The following HECTD4 variants were observed in gnomAD, a reference collection of about 807,000 sequenced individuals.
HECTD4 encodes the protein HECT domain E3 ubiquitin protein ligase 4.
Under a neutral mutation model 471.5 loss-of-function variants are expected in HECTD4, and 114 were observed. The observed-to-expected ratio is 0.24, with a 90% CI of 0.21 to 0.28. The LOEUF is 0.28. Among genes scored for constraint, HECTD4 ranks in the 10% least tolerant of loss-of-function variants. The pLI is 1.00. For missense variants in HECTD4, 3,866 were observed against 5,651.5 expected, an observed-to-expected ratio of 0.68 and a Z score of 10.13; for synonymous variants, 2,012 against 2,256.0, an observed-to-expected ratio of 0.89 and a Z score of 3.07.
intron 55 of HECTD4, among the ~76,000 whole-genome samples, chr12:112,200,239 C>T (rs1007976102): frequency 2.6e-5 from 4 of 151,960 alleles, no homozygotes; most frequent in Admixed American, 1.3e-4. Context: ...CCGCAACCTC[C>T]GTCTCTCGGG....
At chr12:112,377,680 GGC>G (rs1471000906) in intron 1 of HECTD4, among the ~76,000 whole-genome samples, 1 of 152,170 alleles carries the variant, frequency 6.6e-6, no homozygotes, top group East Asian at 1.9e-4. Flanking sequence ...AGACCAGCCT[GGC>G]CAACATGGTG....
intron 1 of HECTD4, among the ~76,000 whole-genome samples, chr12:112,367,476 A>G (rs1244450532): frequency 6.6e-6 from 1 of 152,042 alleles, no homozygotes; most frequent in Non-Finnish European, 1.5e-5. Flanking sequence ...AATCCTATTT[A>G]GGTTCAGAAC....
chr12:112,254,551 C>T (rs927363741), intron 21 of HECTD4, among the ~76,000 whole-genome samples: 32 of 151,924 alleles, frequency 2.1e-4, no homozygotes, highest in African/African-American at 7.5e-4. Context: ...CCCTTAAGTC[C>T]TCCCCAAAAT....
At chr12:112,376,952 A>T (rs1042801317) in intron 1 of HECTD4, among the ~76,000 whole-genome samples, 5 of 152,016 alleles carry the variant, frequency 3.3e-5, no homozygotes, top group Non-Finnish European at 5.9e-5. Flanking sequence ...TCTCTACTAA[A>T]AATACAAAAA....
intron 22 of HECTD4, among the ~76,000 whole-genome samples, chr12:112,253,832 G>A (rs148968590): frequency 6.6e-6 from 1 of 152,330 alleles, no homozygotes; most frequent in African/African-American, 2.4e-5. Context: ...AGTAACTTGT[G>A]AAAGGGAGTG....
intron 8 of HECTD4, among the ~76,000 whole-genome samples, chr12:112,282,272 A>G (rs1448721760): frequency 2.0e-5 from 3 of 152,086 alleles, no homozygotes; most frequent in Non-Finnish European, 2.9e-5. Flanking sequence ...AGTCCCAGCT[A>G]CTCGGGAGGC....
intron 32 of HECTD4, 139 bp from the exon 33 acceptor site, chr12:112,240,166 G>A (rs2033605963): frequency 1.1e-6 from 1 of 908,726 alleles, no homozygotes; most frequent in East Asian, 2.5e-5. Flanking sequence ...CCAGCTCAGT[G>A]TTTCCTAGAC....
At chr12:112,165,412 C>CGT (rs2030902929) in intron 72 of HECTD4, among the ~76,000 whole-genome samples, 1 of 145,482 alleles carries the variant, frequency 6.9e-6, no homozygotes, top group Admixed American at 7.1e-5. Flanking sequence ...AGTGCAGTGG[C>CGT]GCGATATCAG....
chr12:112,207,184 C>A (rs1182027504), intron 52 of HECTD4, among the ~76,000 whole-genome samples: 1 of 152,110 alleles, frequency 6.6e-6, no homozygotes, highest in Non-Finnish European at 1.5e-5. Context: ...TTCTATCTTG[C>A]CCAGGCTGGA....
chr12:112,262,251 C>T (rs1488472213), intron 17 of HECTD4: 1 of 152,166 alleles, frequency 6.6e-6, no homozygotes, highest in African/African-American at 2.4e-5. Context: ...TGGCTCATGC[C>T]TGTAATCCCA....
At chr12:112,362,263 T>G (rs1254464792) in intron 1 of HECTD4, among the ~76,000 whole-genome samples, 1 of 152,262 alleles carries the variant, frequency 6.6e-6, no homozygotes, top group African/African-American at 2.4e-5. Flanking sequence ...CTAACAGAGC[T>G]GAAGCTGCCC....
intron 25 of HECTD4, 44 bp downstream of exon 25, chr12:112,250,098 CTT>C: frequency 7.1e-7 from 1 of 1,403,352 alleles, no homozygotes; most frequent in Non-Finnish European, 1.0e-6. Flanking sequence ...ATTGTTTAAA[CTT>C]TTTTTTCCCA....
chr12:112,292,035 C>G (rs2135659562), intron 7 of HECTD4, among the ~76,000 whole-genome samples: 1 of 152,210 alleles, frequency 6.6e-6, no homozygotes, highest in East Asian at 1.9e-4. Context: ...AAACACGATC[C>G]CATCACTTTC....
At chr12:112,279,439 T>C (rs1426556026) in intron 8 of HECTD4, 53 bp from the exon 9 acceptor site, 1 of 1,477,554 alleles carries the variant, frequency 6.8e-7, no homozygotes, top group Non-Finnish European at 9.2e-7. Context: ...AAAAGTTAAT[T>C]TGATTACCAA....
intron 60 of HECTD4, 88 bp from the exon 61 acceptor site, chr12:112,185,581 A>C (rs1376806830): frequency 6.0e-6 from 6 of 1,008,104 alleles, no homozygotes; most frequent in Non-Finnish European, 8.7e-6. Flanking sequence ...CAACCCTCAT[A>C]ACAACCCTGT....
In HECTD4 at chr12:112,228,071, T is replaced by A. The variant is rs1295433694; in HGVS notation, c.6854+18A>T. The stretch of plus-strand genomic sequence containing the variant: ...TGCACCATGTCAGCACATAAGGCAA[T>A]GTGGGGAGGGTACTCACCTTGTCCT... On this transcript the variant is annotated intron_variant, in intron 43 of 75. Coordinates refer to ENST00000682272, the MANE Select transcript of HECTD4 (RefSeq NM_001388303.1). This position sits in a 1 kb window ranked among gnomAD's most constrained non-coding sequence, Gnocchi z 4.9. 1 of 1,591,196 alleles carries A rather than the reference T, an allele frequency of 6.3e-7. No individual in the cohort carries two copies. The highest frequency in any genetic ancestry group is 1.8e-5 in the Admixed American group (1 of 56,748).
At chr12:112,342,686 A>G (rs2036074403) in intron 1 of HECTD4, among the ~76,000 whole-genome samples, 1 of 152,170 alleles carries the variant, frequency 6.6e-6, no homozygotes, top group Non-Finnish European at 1.5e-5. Flanking sequence ...ACTGAAAAAA[A>G]CTCTAGTGCA....
At chr12:112,290,663 A>C (rs1163405441) in intron 7 of HECTD4, among the ~76,000 whole-genome samples, 2 of 149,496 alleles carry the variant, frequency 1.3e-5, no homozygotes, top group Non-Finnish European at 3.0e-5. Flanking sequence ...GCCTGACCAA[A>C]ATGGAGAAAC....
intron 9 of HECTD4, among the ~76,000 whole-genome samples, chr12:112,278,024 A>G (rs768011739): frequency 2.0e-5 from 3 of 152,222 alleles, no homozygotes; most frequent in Admixed American, 2.0e-4. Context: ...GAGACAAAAT[A>G]ATAAGTGGTA....
Sources: gnomAD v4.1 joint callset for allele counts (sites outside exome capture counted in the v4.1 genomes callset) on GRCh38, gnomAD v4.1.1 for gene constraint, Gnocchi (gnomAD v3.1) non-coding constraint, MANE v1.5 for transcripts, NCBI Gene and HGNC (gene_info 2026-07-23, HGNC 2026-07-21) for gene names.